MYO15A: variants seen among roughly 807,000 people sequenced by gnomAD.
MYO15A encodes the protein unconventional myosin-XV.
Under a neutral mutation model 394.6 loss-of-function variants are expected in MYO15A, and 308 were observed. The observed-to-expected ratio is 0.78, with a 90% CI of 0.71 to 0.86. MYO15A has a LOEUF of 0.86. MYO15A is among the 40% of genes least tolerant of loss of function. MYO15A has a pLI of 0.00. For missense variants in MYO15A, 4,606 were observed against 4,799.1 expected (o/e 0.96, Z 1.19); for synonymous variants, 1,957 against 2,003.8 (o/e 0.98, Z 0.62).
chr17:18,124,361 C>T lies in MYO15A; in HGVS notation c.3610-122C>T, dbSNP rs1317466582. ...CTGTAATGAGGAGACCTGCAGGACC[C>T]ACCTGGCCTTGGGGTTCCCTCCCCA... On this transcript the variant is annotated intron_variant, in intron 2 of 65. Coordinates refer to ENST00000647165, the MANE Select transcript of MYO15A (RefSeq NM_016239.4). 3 of 952,630 alleles carry T rather than the reference C, an allele frequency of 3.1e-6. No individual in the cohort carries two copies. The East Asian group carries it at 7.7e-5, about 24-fold the overall frequency. 59.0% of individuals were successfully genotyped at this position (952,630 alleles called of 1,614,324 possible).
At position 18,158,908 on chromosome 17, in the gene MYO15A, C is replaced by T. The variant is rs1567658894; in HGVS notation, c.9084-17C>T. ...GCTTGGGCAGGACAGGTCAGTAGCA[C>T]CCACCTCCCACTGCAGGGATGGCCT... On this transcript the variant is annotated splice_polypyrimidine_tract_variant and intron_variant, in intron 52 of 65. Transcript: ENST00000647165. 3.1e-6 allele frequency: 5 copies of T among 1,613,894 alleles called. No individual in the cohort carries two copies. Among genetic ancestry groups the T allele is most frequent in the Non-Finnish European group, 4.2e-6 (5 of 1,179,902 alleles).
At position 18,163,745 on chromosome 17, in the gene MYO15A, G is replaced by A; in HGVS notation, c.9694G>A (p.Ala3232Thr). The A allele has an allele frequency of 6.2e-7, 1 of 1,612,520 alleles. No individual in the cohort carries two copies. Among genetic ancestry groups the A allele is most frequent in the Non-Finnish European group, 8.5e-7 (1 of 1,179,146 alleles). The change falls in exon 60 of 66, where the codon GCC becomes ACC. Residue 3232 changes from alanine (A) to threonine (T), a missense_variant. Around this residue, in one of 2 missense-constraint regions of MYO15A, gnomAD observed 2,776 missense variants for 3,109.3 expected, o/e 0.89. Transcript: ENST00000647165. ...ATCTCTTCCGCCCCACCCCCAGGTG[G>A]CCCTGGACGTGGTGGAAGAGATATG... ...RHLKIKTCTV[A>T]LDVVEEICAE...
At chr17:18,172,503 A>C in intron 64 of MYO15A, 1 of 702,398 alleles carries the variant, frequency 1.4e-6, no homozygotes, top group Non-Finnish European at 2.5e-6. Flanking sequence ...GCTGTTGTGA[A>C]GGTGAGATGA....
rs777626929 is a variant in MYO15A at position 18,157,750 on chromosome 17, C to T, written c.8817C>T (p.Arg2939=). 9 of 1,606,284 alleles carry T rather than the reference C, an allele frequency of 5.6e-6. No homozygotes were observed. Among genetic ancestry groups the T allele is most frequent in the African/African-American group, 4.0e-5 (3 of 74,932 alleles). Residue 2939 remains arginine (R), a synonymous_variant, in exon 51 of 66, where the codon CGC becomes CGT. Transcript: ENST00000647165. ...FGWRFGTIHG[R]VGRFPSELVQ... ...GGAGGTTCGGGACCATCCACGGGCG[C>T]GTGGGCCGCTTCCCTTCGGAGCTGG...
chr17:18,154,642 G>A, intron 44 of MYO15A, 38 bp from the exon 45 acceptor site: 1 of 1,606,684 alleles, frequency 6.2e-7, no homozygotes. Flanking sequence ...AGCTGGGGGA[G>A]TCCCATGTGC....
intron 12 of MYO15A, among the ~76,000 whole-genome samples, chr17:18,134,213 C>G (rs2142310448): frequency 6.6e-6 from 1 of 152,144 alleles, no homozygotes; most frequent in African/African-American, 2.4e-5. Flanking sequence ...TGGTCTCGCT[C>G]TCTTGACCTC....
rs2045924425 is a variant in MYO15A at position 18,121,288 on chromosome 17, G to T, written c.2488G>T (p.Ala830Ser). 3 of 1,351,088 alleles carry T rather than the reference G, an allele frequency of 2.2e-6. No individual in the cohort carries two copies. The highest frequency in any genetic ancestry group is 2.8e-6 in the Non-Finnish European group (3 of 1,056,584). The allele number at this position is 1,351,088 out of a possible 1,614,324, so 83.7% of individuals were successfully genotyped here. Reference sequence around the variant, plus strand: ...GGAGTCCCCAGCCCCACGCCGAGCCGCTGGGCGCCTGGGCCCACCCGGCTC... The same window carrying T: ...GGAGTCCCCAGCCCCACGCCGAGCCTCTGGGCGCCTGGGCCCACCCGGCTC... ...LQESPAPRRA[A>S]GRLGPPGSPL... The change falls in exon 2 of 66, where the codon GCT becomes TCT. Residue 830 changes from alanine to serine, a missense_variant. Ala to Ser is a moderately conservative substitution (Grantham distance 99). Around this residue, in one of 2 missense-constraint regions of MYO15A, gnomAD observed 1,830 missense variants for 1,689.7 expected, o/e 1.08. Coordinates refer to ENST00000647165, the MANE Select transcript of MYO15A (RefSeq NM_016239.4). This position sits in a 1 kb window ranked among gnomAD's most constrained non-coding sequence, Gnocchi z 5.3.
At chr17:18,135,908 G>A (rs1284012437) in intron 13 of MYO15A, 84 bp downstream of exon 13, 1 of 1,272,118 alleles carries the variant, frequency 7.9e-7, no homozygotes, top group East Asian at 2.5e-5. Context: ...TTTGTGGGCA[G>A]CCTCTCCCTC....
chr17:18,179,076 G>C lies in MYO15A; in HGVS notation c.*206G>C. The C allele has an allele frequency of 1.6e-6, 1 of 629,182 alleles. No homozygotes were observed. The highest frequency in any genetic ancestry group is 1.9e-5 in the South Asian group (1 of 54,010). The allele number at this position is 629,182 out of a possible 1,614,324, so 39.0% of individuals were successfully genotyped here. A position where few individuals can be genotyped will look rare whatever the true frequency, so the allele number is the denominator to read the frequency against. Reference sequence around the variant, plus strand: ...GATGGAATGGCAGCATGCAAACTTGGATCAGATAGCAGGAGGAACTTTCAA... The same window carrying C: ...GATGGAATGGCAGCATGCAAACTTGCATCAGATAGCAGGAGGAACTTTCAA... On this transcript the variant is annotated 3_prime_UTR_variant, in exon 66 of 66. Coordinates refer to ENST00000647165, the MANE Select transcript of MYO15A (RefSeq NM_016239.4).
At position 18,155,337 on chromosome 17, in the gene MYO15A, G is replaced by GCT; in HGVS notation, c.8366_8367dup (p.Leu2790SerfsTer2). 1 of 1,613,804 alleles carries GCT rather than the reference G, an allele frequency of 6.2e-7. No homozygotes were observed. The highest frequency in any genetic ancestry group is 1.1e-5 in the South Asian group (1 of 91,082). ...AGGGCAGCGTGGGCACTGGTGTGCA[G>GCT]CTCCTAGCTGTGTCCCACGTGGGCA... On this transcript the variant is annotated frameshift_variant, in exon 47 of 66. Coordinates refer to ENST00000647165, the MANE Select transcript of MYO15A (RefSeq NM_016239.4). LOFTEE classifies it high-confidence loss of function.
At position 18,130,814 on chromosome 17, in the gene MYO15A, C is replaced by T. The variant is rs772896778; in HGVS notation, c.4038+4C>T. 5 of 1,449,868 alleles carry T rather than the reference C, an allele frequency of 3.4e-6. No homozygotes were observed. The highest frequency in any genetic ancestry group is 1.2e-5 in the South Asian group (1 of 84,080). The allele number at this position is 1,449,868 out of a possible 1,614,324, so 89.8% of individuals were successfully genotyped here. A position where few individuals can be genotyped will look rare whatever the true frequency, so the allele number is the denominator to read the frequency against. On this transcript the variant is annotated splice_donor_region_variant and intron_variant, in intron 8 of 65. Transcript: ENST00000647165. ...CTGGACGCTCTTGAAGATAAAGGTA[C>T]TCAGTGTGTGTGTGTGTGTGTGTGT...
At chr17:18,160,379 G>A (rs2046757555) in intron 56 of MYO15A, among the ~76,000 whole-genome samples, 1 of 152,220 alleles carries the variant, frequency 6.6e-6, no homozygotes, top group Admixed American at 6.5e-5. Context: ...GGTGTCATCA[G>A]GAAGCAGGCT....
Position 18,121,519 on chromosome 17 carries a change from C to G in MYO15A, c.2719C>G (p.Arg907Gly). 6.4e-7 allele frequency: 1 copy of G among 1,559,034 alleles called. No individual in the cohort carries two copies. Among genetic ancestry groups the G allele is most frequent in the Non-Finnish European group, 8.7e-7 (1 of 1,152,244 alleles). ...AGAWRAPLEH[R>G]ESPREPEDSE... is the part of the protein sequence containing the mutation. The stretch of plus-strand genomic sequence containing the variant: ...GGCCTGGCGGGCGCCCCTGGAACAC[C>G]GGGAGAGCCCGCGAGAACCCGAGGA... The change falls in exon 2 of 66, where the codon CGG becomes GGG. Residue 907 changes from arginine (R) to glycine (G), a missense_variant. Coordinates refer to ENST00000647165, the MANE Select transcript of MYO15A (RefSeq NM_016239.4). This position sits in a 1 kb window ranked among gnomAD's most constrained non-coding sequence, Gnocchi z 5.3.
In MYO15A at chr17:18,163,742, G is replaced by C. The variant is rs1268198340; in HGVS notation, c.9691G>C (p.Val3231Leu). 6.2e-7 allele frequency: 1 copy of C among 1,612,314 alleles called. No homozygotes were observed. Among genetic ancestry groups the C allele is most frequent in the East Asian group, 2.2e-5 (1 of 44,832 alleles). The change falls in exon 60 of 66, where the codon GTG (valine) becomes CTG (leucine). Residue 3231 changes from valine (V) to leucine (L), a missense_variant and splice_region_variant. Transcript: ENST00000647165. ...CTCATCTCTTCCGCCCCACCCCCAG[G>C]TGGCCCTGGACGTGGTGGAAGAGAT... ...ERHLKIKTCT[V>L]ALDVVEEICA...
rs750451490 is a variant in MYO15A, at chr17:18,146,066, T to G, written c.6468T>G (p.Ser2156Arg). 1 of 1,613,942 alleles carries G rather than the reference T, an allele frequency of 6.2e-7. No homozygotes were observed. Among genetic ancestry groups the G allele is most frequent in the Non-Finnish European group, 8.5e-7 (1 of 1,180,030 alleles). ...RGWLLLAACL[S>R]GFAPSPCFNK... ...GGCTGCTGCTGGCCGCCTGCCTCAG[T>G]GGCTTTGCACCTTCCCCGTGCTTCA... Residue 2156 changes from serine (S) to arginine (R), a missense_variant, in exon 30 of 66, where the codon AGT becomes AGG. Coordinates refer to ENST00000647165, the MANE Select transcript of MYO15A (RefSeq NM_016239.4).
Position 18,139,547 on chromosome 17 carries a change from T to G in MYO15A, c.5147T>G (p.Leu1716Arg). 1 of 1,614,058 alleles carries G rather than the reference T, an allele frequency of 6.2e-7. No individual in the cohort carries two copies. Among genetic ancestry groups the G allele is most frequent in the Non-Finnish European group, 8.5e-7 (1 of 1,179,978 alleles). ...GKVTYQVHKF[L>R]DKNHDQVRQD... ...TCCCCTTTTCAGGTGCACAAGTTCC[T>G]GGACAAGAACCACGACCAAGTGCGC... Residue 1716 changes from leucine to arginine, a missense_variant, in exon 19 of 66, where the codon CTG becomes CGG. By Grantham distance (102) the Leu-to-Arg change is moderately radical. Around this residue, in one of 2 missense-constraint regions of MYO15A, gnomAD observed 2,776 missense variants for 3,109.3 expected, o/e 0.89. Transcript: ENST00000647165.
chr17:18,109,001 T>A (rs1433509670), intron 1 of MYO15A, 177 bp downstream of exon 1: 1 of 152,410 alleles, frequency 6.6e-6, no homozygotes, highest in Non-Finnish European at 1.5e-5. Context: ...GCCCATGCAG[T>A]CCCCTCCTGG....
chr17:18,113,046 A>G (rs577157941), intron 1 of MYO15A, among the ~76,000 whole-genome samples: 1 of 151,956 alleles, frequency 6.6e-6, no homozygotes, highest in East Asian at 1.9e-4. Context: ...ATGGGGTTTC[A>G]CCGTGTTGCC....
rs749824559 is a variant in MYO15A at position 18,143,914 on chromosome 17, C to A, written c.6091C>A (p.Pro2031Thr). 4 of 1,603,022 alleles carry A rather than the reference C, an allele frequency of 2.5e-6. No individual in the cohort carries two copies. The Admixed American group carries it at 6.8e-5, about 27-fold the overall frequency. The change falls in exon 28 of 66, where the codon CCT becomes ACT. Residue 2031 changes from proline to threonine, a missense_variant. Coordinates refer to ENST00000647165, the MANE Select transcript of MYO15A (RefSeq NM_016239.4). Reference sequence around the variant, plus strand: ...GCCTCAGGTGGCCCCTGTGAGGACTCCTCGACTCCAGGCTGAGCCCCGTGT... The same window carrying A: ...GCCTCAGGTGGCCCCTGTGAGGACTACTCGACTCCAGGCTGAGCCCCGTGT... ...QVPQVAPVRT[P>T]RLQAEPRVTL... is the part of the protein sequence containing the mutation.
Sources: gnomAD v4.1 joint callset for allele counts (sites outside exome capture counted in the v4.1 genomes callset) on GRCh38, gnomAD v4.1.1 for gene constraint, gnomAD v4.1.1 regional missense constraint, Gnocchi (gnomAD v3.1) non-coding constraint, MANE v1.5 for transcripts, NCBI Gene and HGNC (gene_info 2026-07-23, HGNC 2026-07-21) for gene names.